CACNA1C: variants seen among roughly 807,000 people sequenced by gnomAD.
The protein encoded by CACNA1C is voltage-dependent L-type calcium channel subunit alpha-1C.
In CACNA1C, 30 loss-of-function variants were observed where a neutral mutation model predicts 229.0. The observed-to-expected ratio is 0.13, with a 90% CI of 0.10 to 0.18. The LOEUF is 0.18. Among genes scored for constraint, CACNA1C ranks in the 10% least tolerant of loss-of-function variants. The probability of loss-of-function intolerance (pLI) is 1.00; values close to 1 mark genes in which losing one functional copy is unlikely to be tolerated. For synonymous variants in CACNA1C, 1,114 were observed against 1,132.5 expected (o/e 0.98, Z 0.33); for missense variants, 1,658 against 2,845.0 (o/e 0.58, Z 9.49).
chr12:2,198,408 G>A lies in CACNA1C; in HGVS notation c.477+77978G>A, dbSNP rs527622934. On this transcript the variant is annotated intron_variant, in intron 3 of 46. Coordinates refer to ENST00000399655, the MANE Select transcript of CACNA1C (RefSeq NM_000719.7). ...GCCTCCCCTCTGCGGCTATTTAAAT[G>A]TGTTCCTCCGGCATGAGGATGACTC... Among the ~76,000 whole-genome samples, 6 of 152,268 alleles carry A rather than the reference G, an allele frequency of 3.9e-5. No homozygotes were observed. The East Asian group carries it at 9.7e-4, about 25-fold the overall frequency.
At chr12:2,368,603 T>G (rs1231565255) in intron 3 of CACNA1C, among the ~76,000 whole-genome samples, 1 of 152,180 alleles carries the variant, frequency 6.6e-6, no homozygotes, top group East Asian at 1.9e-4. Context: ...TAAATTTAAC[T>G]AAAAGATATA....
intron 29 of CACNA1C, among the ~76,000 whole-genome samples, chr12:2,629,907 A>G (rs1053287111): frequency 1.2e-4 from 19 of 152,330 alleles, no homozygotes; most frequent in Non-Finnish European, 2.5e-4. Flanking sequence ...TCTGGCACTC[A>G]GGCCTAGGTA....
At chr12:2,506,536 C>T (rs528518754) in intron 8 of CACNA1C, among the ~76,000 whole-genome samples, 40 of 152,210 alleles carry the variant, frequency 2.6e-4, no homozygotes, top group African/African-American at 9.2e-4. Flanking sequence ...TAATAAGTGC[C>T]CAATAATGGT....
chr12:2,294,951 C>G (rs542444279), intron 3 of CACNA1C, among the ~76,000 whole-genome samples: 16 of 152,300 alleles, frequency 1.1e-4, no homozygotes, highest in African/African-American at 3.8e-4. Flanking sequence ...GCGCACAGTT[C>G]TGTGTTGTGC....
Position 2,209,770 on chromosome 12 carries a change from C to T in CACNA1C, c.477+89340C>T, listed in dbSNP as rs117234411. 6.9e-3 allele frequency among the ~76,000 whole-genome samples: 1,045 copies of T among 152,222 alleles called. 5 individuals carry two copies. The highest frequency in any genetic ancestry group is 0.011 in the Non-Finnish European group (729 of 68,004). On this transcript the variant is annotated intron_variant, in intron 3 of 46. Transcript: ENST00000399655. ...TAATGGACTCCTTAAAGATTATGTT[C>T]GTATTCCTTTAAAATAGTAATTGCT...
intron 1 of CACNA1C, among the ~76,000 whole-genome samples, chr12:2,082,870 T>A (rs1373468994): frequency 6.6e-6 from 1 of 152,180 alleles, no homozygotes; most frequent in African/African-American, 2.4e-5. Flanking sequence ...TATCGTATAT[T>A]TATATATAGA....
intron 4 of CACNA1C, among the ~76,000 whole-genome samples, chr12:2,455,463 T>C (rs2154564481): frequency 6.6e-6 from 1 of 152,362 alleles, no homozygotes; most frequent in East Asian, 1.9e-4. Flanking sequence ...ATATTTTGGC[T>C]ATGTCGGGTG....
At chr12:2,402,846 T>C (rs796791891) in intron 3 of CACNA1C, among the ~76,000 whole-genome samples, 150 of 152,342 alleles carry the variant, frequency 9.8e-4, no homozygotes, top group Middle Eastern at 3.4e-3. Context: ...CCTTCAAGGA[T>C]TTATTCCTTA....
chr12:2,568,983 A>G (rs1388625015), intron 13 of CACNA1C, among the ~76,000 whole-genome samples: 6 of 152,184 alleles, frequency 3.9e-5, no homozygotes, highest in Non-Finnish European at 8.8e-5. Context: ...TGAGCACCTG[A>G]GCTGTTAGGG....
intron 3 of CACNA1C, among the ~76,000 whole-genome samples, chr12:2,153,132 C>A (rs1048487751): frequency 6.6e-6 from 1 of 152,106 alleles, no homozygotes; most frequent in Admixed American, 6.5e-5. Context: ...GACCCTTGAG[C>A]GAATGGAGCA....
intron 42 of CACNA1C, 68 bp from the exon 43 acceptor site, chr12:2,682,482 T>C: frequency 1.3e-6 from 2 of 1,573,784 alleles, no homozygotes; most frequent in Non-Finnish European, 1.7e-6. Flanking sequence ...GTGTGATGCT[T>C]TACTTGCTGA....
chr12:2,318,692 C>T (rs574285722), intron 3 of CACNA1C, among the ~76,000 whole-genome samples: 12 of 152,120 alleles, frequency 7.9e-5, no homozygotes, highest in Admixed American at 6.5e-4. Context: ...CCACACGGCA[C>T]CTAGAATAGT....
At position 2,575,102 on chromosome 12, in the gene CACNA1C, A is replaced by G. The variant is rs993962333; in HGVS notation, c.1896-6488A>G. On this transcript the variant is annotated intron_variant, in intron 13 of 46. Transcript: ENST00000399655. The surrounding 1 kb of genome is among the most constrained non-coding windows in gnomAD (Gnocchi z 4.0). ...ACCACCTTGCCCGCTTGACCAGGTT[A>G]CACTCCCCATGCAGGTTCCGTTCTT... 6.6e-6 allele frequency among the ~76,000 whole-genome samples: 1 copy of G among 152,210 alleles called. No homozygotes were observed. Among genetic ancestry groups the G allele is most frequent in the Admixed American group, 6.5e-5 (1 of 15,286 alleles).
chr12:2,443,570 T>A (rs2099249276), intron 3 of CACNA1C, among the ~76,000 whole-genome samples: 1 of 152,208 alleles, frequency 6.6e-6, no homozygotes, highest in South Asian at 2.1e-4. Context: ...AGCTTCCCGT[T>A]TCCCAAGATC....
chr12:2,396,273 G>A (rs2098572276), intron 3 of CACNA1C, among the ~76,000 whole-genome samples: 1 of 152,140 alleles, frequency 6.6e-6, no homozygotes, highest in Admixed American at 6.5e-5. Flanking sequence ...AAGAGGTGAA[G>A]AGAGAAAGCA....
At chr12:2,339,799 C>T (rs2096807201) in intron 3 of CACNA1C, among the ~76,000 whole-genome samples, 1 of 152,140 alleles carries the variant, frequency 6.6e-6, no homozygotes, top group South Asian at 2.1e-4. Flanking sequence ...CAGTGTTATG[C>T]AGCACGTGAC....
intron 3 of CACNA1C, among the ~76,000 whole-genome samples, chr12:2,258,884 C>T (rs1478532710): frequency 6.6e-6 from 1 of 152,114 alleles, no homozygotes; most frequent in East Asian, 1.9e-4. Flanking sequence ...ACAAATCTCC[C>T]TTAAAAAGTA....
At chr12:2,076,227 G>A (rs1045333939) in intron 1 of CACNA1C, among the ~76,000 whole-genome samples, 2 of 152,052 alleles carry the variant, frequency 1.3e-5, no homozygotes, top group African/African-American at 4.8e-5. Flanking sequence ...AGGGTTTTTT[G>A]TTTTCTCTCT....
intron 3 of CACNA1C, among the ~76,000 whole-genome samples, chr12:2,244,316 T>G (rs530107100): frequency 1.3e-5 from 2 of 152,188 alleles, no homozygotes; most frequent in African/African-American, 2.4e-5. Context: ...AGGAATGCGG[T>G]GTTGACTCAT....
Sources: allele counts gnomAD v4.1 joint callset (sites outside exome capture counted in the v4.1 genomes callset), GRCh38; gene constraint gnomAD v4.1.1; non-coding constraint Gnocchi (gnomAD v3.1); transcripts MANE v1.5; gene names NCBI Gene and HGNC (gene_info 2026-07-23, HGNC 2026-07-21).